TRHDE: variants seen among roughly 807,000 people sequenced by gnomAD.
The protein encoded by TRHDE is thyrotropin releasing hormone degrading enzyme.
A neutral mutation model predicts 125.7 loss-of-function variants in TRHDE; 72 were observed. That is an observed-to-expected ratio of 0.57 (90% CI 0.47 to 0.70). TRHDE has a LOEUF of 0.70. TRHDE is among the 30% of genes least tolerant of loss of function. The pLI is 0.00. For synonymous variants in TRHDE, 509 were observed against 509.1 expected, an observed-to-expected ratio of 1.00 and a Z score of 0.00; for missense variants, 1,110 against 1,327.1, an observed-to-expected ratio of 0.84 and a Z score of 2.54.
rs116684644 is a variant in TRHDE, at chr12:72,291,226, C to A, written c.1188+4272C>A. Among the ~76,000 whole-genome samples the A allele has an allele frequency of 3.2e-3, 486 of 152,258 alleles. 2 individuals are homozygous for A. The highest frequency in any genetic ancestry group is 0.014 in the Middle Eastern group (4 of 294). ...ACCTGTTAACGAAAGATACAAGCTA[C>A]CTTACCTCACTTTTCTCCCTTCAAC... is the stretch of plus-strand genomic sequence containing the variant. On this transcript the variant is annotated intron_variant, in intron 2 of 18. Coordinates refer to ENST00000261180, the MANE Select transcript of TRHDE (RefSeq NM_013381.3).
chr12:72,116,314 T>C (rs1389580645), intron 2 of TRHDE, among the ~76,000 whole-genome samples: 1 of 152,234 alleles, frequency 6.6e-6, no homozygotes, highest in Non-Finnish European at 1.5e-5. Context: ...AGTGCTAAAA[T>C]AAACATATGT....
At chr12:72,247,924 T>G (rs1878603704) in intron 2 of TRHDE, among the ~76,000 whole-genome samples, 1 of 152,202 alleles carries the variant, frequency 6.6e-6, no homozygotes, top group Non-Finnish European at 1.5e-5. Context: ...TATCTATCTA[T>G]TATCTATCAT....
intron 1 of TRHDE, among the ~76,000 whole-genome samples, chr12:72,097,737 C>T (rs1477551596): frequency 6.6e-6 from 1 of 152,184 alleles, no homozygotes; most frequent in African/African-American, 2.4e-5. Context: ...AGGCGTGAGC[C>T]ACTGCACCTA....
intron 3 of TRHDE, among the ~76,000 whole-genome samples, chr12:72,469,200 A>T (rs1565754224): frequency 1.3e-5 from 2 of 151,890 alleles, no homozygotes; most frequent in Non-Finnish European, 2.9e-5. Flanking sequence ...CCTCAATAAT[A>T]TTTTTTTTCC....
At chr12:72,344,872 C>T (rs545195630) in intron 2 of TRHDE, among the ~76,000 whole-genome samples, 16 of 152,114 alleles carry the variant, frequency 1.1e-4, no homozygotes, top group African/African-American at 3.6e-4. Flanking sequence ...TAGGGGCACA[C>T]ACTACAGGTA....
At chr12:72,564,763 G>T (rs1032077629) in intron 9 of TRHDE, among the ~76,000 whole-genome samples, 20 of 131,080 alleles carry the variant, frequency 1.5e-4, no homozygotes, top group African/African-American at 5.2e-4. Flanking sequence ...CGCCTCCCAG[G>T]TTCACCCCAT....
chr12:72,388,130 A>C (rs1449522812), intron 3 of TRHDE, among the ~76,000 whole-genome samples: 1 of 151,674 alleles, frequency 6.6e-6, no homozygotes, highest in African/African-American at 2.4e-5. Context: ...ACCCATTCCA[A>C]CCCAAGGCCT....
At chr12:72,102,562 TTAAC>T (rs1592441011) in intron 1 of TRHDE, among the ~76,000 whole-genome samples, 1 of 152,178 alleles carries the variant, frequency 6.6e-6, no homozygotes, top group Admixed American at 6.5e-5. Flanking sequence ...ATCTTATACT[TTAAC>T]TAGTTCAGCT....
chr12:72,463,787 A>G (rs1413990862), intron 3 of TRHDE, among the ~76,000 whole-genome samples: 2 of 152,190 alleles, frequency 1.3e-5, no homozygotes, highest in Non-Finnish European at 2.9e-5. Context: ...TGATTATTTA[A>G]TAATTTGGAA....
intron 2 of TRHDE, among the ~76,000 whole-genome samples, chr12:72,245,891 A>AT (rs1202134491): frequency 6.6e-5 from 10 of 152,078 alleles, no homozygotes; most frequent in African/African-American, 1.4e-4. Flanking sequence ...TAGTCAAGGT[A>AT]TTTTTTATAC....
At chr12:72,208,433 A>G (rs979266424) in intron 2 of TRHDE, among the ~76,000 whole-genome samples, 1 of 152,186 alleles carries the variant, frequency 6.6e-6, no homozygotes, top group East Asian at 1.9e-4. Context: ...TCAGGGTAAA[A>G]CAGGTTAGAT....
intron 3 of TRHDE, among the ~76,000 whole-genome samples, chr12:72,451,976 G>C (rs1479559173): frequency 6.6e-6 from 1 of 151,914 alleles, no homozygotes; most frequent in Admixed American, 6.6e-5. Flanking sequence ...CTACAGGCCT[G>C]TGCCAGCATG....
At chr12:72,205,647 A>G (rs972019739) in intron 2 of TRHDE, among the ~76,000 whole-genome samples, 8 of 152,188 alleles carry the variant, frequency 5.3e-5, no homozygotes, top group Non-Finnish European at 1.2e-4. Flanking sequence ...ACTTAACGTA[A>G]TATCTTCAAG....
At chr12:72,418,304 T>A (rs1873813312) in intron 3 of TRHDE, among the ~76,000 whole-genome samples, 1 of 152,124 alleles carries the variant, frequency 6.6e-6, no homozygotes, top group Non-Finnish European at 1.5e-5. Context: ...AGTTTAAGGA[T>A]GACTTAAAAT....
chr12:72,556,425 A>G (rs1046383100), intron 7 of TRHDE, among the ~76,000 whole-genome samples: 1 of 152,234 alleles, frequency 6.6e-6, no homozygotes, highest in African/African-American at 2.4e-5. Context: ...CAAGAGATGT[A>G]GCCAAGGTTA....
At chr12:72,325,836 G>C (rs1161560067) in intron 2 of TRHDE, among the ~76,000 whole-genome samples, 2 of 152,192 alleles carry the variant, frequency 1.3e-5, no homozygotes, top group Admixed American at 6.5e-5. Context: ...TAAGTTGACT[G>C]GATAGTAACA....
intron 1 of TRHDE, among the ~76,000 whole-genome samples, chr12:72,103,176 T>C (rs1875107691): frequency 6.6e-6 from 1 of 152,210 alleles, no homozygotes; most frequent in Non-Finnish European, 1.5e-5. Flanking sequence ...GAAATGCAGC[T>C]AAAATTTAGT....
chr12:72,207,235 G>C (rs1038810988), intron 2 of TRHDE, among the ~76,000 whole-genome samples: 3 of 152,154 alleles, frequency 2.0e-5, no homozygotes, highest in African/African-American at 7.2e-5. Flanking sequence ...GGACAGCAGG[G>C]CTATTACATA....
intron 2 of TRHDE, among the ~76,000 whole-genome samples, chr12:72,150,155 A>G (rs971342520): frequency 6.6e-6 from 1 of 152,212 alleles, no homozygotes. Context: ...TAAGTAATCA[A>G]GATAATTACA....
Sources: gnomAD v4.1 joint callset for allele counts (sites outside exome capture counted in the v4.1 genomes callset) on GRCh38, gnomAD v4.1.1 for gene constraint, MANE v1.5 for transcripts, NCBI Gene and HGNC (gene_info 2026-07-23, HGNC 2026-07-21) for gene names.